SORCS2: variants seen among roughly 807,000 people sequenced by gnomAD.
The protein encoded by SORCS2 is sortilin related VPS10 domain containing receptor 2, also known as VPS10 domain-containing receptor SorCS2.
In SORCS2, 100 loss-of-function variants were observed where a neutral mutation model predicts 141.6. The ratio of observed to expected loss-of-function variants is 0.71; its 90% confidence interval spans 0.60 to 0.83. SORCS2 has a LOEUF of 0.83. Among genes scored for constraint, SORCS2 ranks in the 40% least tolerant of loss-of-function variants. SORCS2 has a pLI of 0.00. For missense variants in SORCS2, 1,646 were observed against 1,560.2 expected, an observed-to-expected ratio of 1.05 and a Z score of -0.93; for synonymous variants, 789 against 676.9, an observed-to-expected ratio of 1.17 and a Z score of -2.57.
intron 15 of SORCS2, among the ~76,000 whole-genome samples, chr4:7,713,584 A>G (rs1205424940): frequency 5.3e-5 from 8 of 152,174 alleles, no homozygotes; most frequent in Non-Finnish European, 1.5e-5. Context: ...GAAACTGACT[A>G]AGAGGAAACA....
At chr4:7,450,822 G>A (rs1376012860) in intron 2 of SORCS2, among the ~76,000 whole-genome samples, 1 of 152,204 alleles carries the variant, frequency 6.6e-6, no homozygotes, top group African/African-American at 2.4e-5. Flanking sequence ...AGGAATGAGT[G>A]TGTGAATGAG....
chr4:7,461,561 A>C (rs1229463078), intron 2 of SORCS2, among the ~76,000 whole-genome samples: 5 of 152,242 alleles, frequency 3.3e-5, no homozygotes, highest in African/African-American at 1.2e-4. Context: ...CCCACACAGA[A>C]AATTTCCAAG....
intron 9 of SORCS2, 104 bp from the exon 10 acceptor site, chr4:7,682,639 C>G: frequency 8.8e-7 from 1 of 1,139,058 alleles, no homozygotes; most frequent in Non-Finnish European, 1.2e-6. Context: ...TGAAATGAGG[C>G]CACATGTGCA....
At chr4:7,647,442 G>T (rs1314281707) in intron 4 of SORCS2, among the ~76,000 whole-genome samples, 1 of 152,182 alleles carries the variant, frequency 6.6e-6, no homozygotes, top group Non-Finnish European at 1.5e-5. Flanking sequence ...CTCACTGTCA[G>T]CGTCACGGGT....
intron 1 of SORCS2, among the ~76,000 whole-genome samples, chr4:7,374,469 A>G (rs1333368047): frequency 6.6e-6 from 1 of 152,150 alleles, no homozygotes. Flanking sequence ...CCACGCTGGC[A>G]GCATTGGCAG....
intron 2 of SORCS2, among the ~76,000 whole-genome samples, chr4:7,403,955 A>ATG (rs750036945): frequency 4.7e-4 from 39 of 83,454 alleles, no homozygotes; most frequent in East Asian, 2.2e-3. Flanking sequence ...CTCTGCCTCC[A>ATG]TGTGTGTATA....
chr4:7,625,186 TGACA>T (rs1045064579), intron 3 of SORCS2, among the ~76,000 whole-genome samples: 6 of 152,176 alleles, frequency 3.9e-5, no homozygotes, highest in African/African-American at 1.4e-4. Context: ...AGCTCTTTCC[TGACA>T]GTCAATTCTG....
At chr4:7,315,316 C>T (rs929074088) in intron 1 of SORCS2, among the ~76,000 whole-genome samples, 2 of 152,232 alleles carry the variant, frequency 1.3e-5, no homozygotes, top group African/African-American at 4.8e-5. Context: ...TTCCTGAGAT[C>T]ATGGTGTCAG....
intron 3 of SORCS2, among the ~76,000 whole-genome samples, chr4:7,595,905 T>G (rs734527): frequency 0.63 from 95,457 of 152,102 alleles, 30,087 homozygotes; most frequent in East Asian, 0.74. Flanking sequence ...AGTGGGGCTC[T>G]TGGTCTGGGG....
intron 1 of SORCS2, among the ~76,000 whole-genome samples, chr4:7,344,071 G>A (rs943400547): frequency 2.6e-5 from 4 of 152,222 alleles, no homozygotes; most frequent in East Asian, 1.9e-4. Flanking sequence ...ATACTGACAC[G>A]GGAGGTATGG....
intron 2 of SORCS2, among the ~76,000 whole-genome samples, chr4:7,443,787 C>T (rs142361079): frequency 6.6e-6 from 1 of 152,358 alleles, no homozygotes; most frequent in African/African-American, 2.4e-5. Context: ...CAAGCATCTC[C>T]CATGTGGCCT....
At chr4:7,511,685 AG>A (rs1021283931) in intron 2 of SORCS2, among the ~76,000 whole-genome samples, 12 of 152,126 alleles carry the variant, frequency 7.9e-5, no homozygotes, top group Admixed American at 7.9e-4. Flanking sequence ...AGGTGGGGAC[AG>A]GGCTGGGTGA....
chr4:7,504,590 C>G (rs1157607938), intron 2 of SORCS2, among the ~76,000 whole-genome samples: 2 of 152,234 alleles, frequency 1.3e-5, no homozygotes, highest in African/African-American at 2.4e-5. Flanking sequence ...ATCCATCTGG[C>G]TCTGGACCCC....
At chr4:7,226,470 C>G (rs1183631704) in intron 1 of SORCS2, among the ~76,000 whole-genome samples, 1 of 152,128 alleles carries the variant, frequency 6.6e-6, no homozygotes, top group Admixed American at 6.5e-5. Flanking sequence ...GGGTTAAGTC[C>G]AGACGTCTGT....
intron 3 of SORCS2, among the ~76,000 whole-genome samples, chr4:7,546,225 C>G (rs79458094): frequency 0.012 from 1,789 of 152,244 alleles, 37 homozygotes; most frequent in African/African-American, 0.041. Context: ...CACGTTCCAG[C>G]AACAGCTCAG....
intron 1 of SORCS2, among the ~76,000 whole-genome samples, chr4:7,203,053 G>A (rs900806898): frequency 3.3e-5 from 5 of 152,174 alleles, no homozygotes; most frequent in Admixed American, 2.0e-4. Context: ...GGTGTGGCAG[G>A]AGGACTTGCC....
intron 3 of SORCS2, among the ~76,000 whole-genome samples, chr4:7,585,382 G>A (rs1469337249): frequency 6.6e-6 from 1 of 152,176 alleles, no homozygotes; most frequent in Admixed American, 6.5e-5. Context: ...GATCACTGAA[G>A]TACACCAGAA....
intron 8 of SORCS2, among the ~76,000 whole-genome samples, chr4:7,671,461 G>A (rs1722794862): frequency 6.6e-6 from 1 of 151,548 alleles, no homozygotes; most frequent in Admixed American, 6.6e-5. Context: ...GAAAAATAGA[G>A]AAAAACAAGA....
Position 7,740,267 on chromosome 4 carries a change from C to A in SORCS2, c.*3C>A. On this transcript the variant is annotated 3_prime_UTR_variant, in exon 27 of 27. Coordinates refer to ENST00000507866, the MANE Select transcript of SORCS2 (RefSeq NM_020777.3). Reference sequence around the variant, plus strand: ...TGCACAGCTACCTGGTGAGCTGATGCCACCCCAGCATCTGTCTTTTCACCC... The same window carrying A: ...TGCACAGCTACCTGGTGAGCTGATGACACCCCAGCATCTGTCTTTTCACCC... The A allele has an allele frequency of 6.2e-7, 1 of 1,608,020 alleles. No individual in the cohort carries two copies. Among genetic ancestry groups the A allele is most frequent in the Non-Finnish European group, 8.5e-7 (1 of 1,178,640 alleles).
Sources: allele counts gnomAD v4.1 joint callset (sites outside exome capture counted in the v4.1 genomes callset), GRCh38; gene constraint gnomAD v4.1.1; transcripts MANE v1.5; gene names NCBI Gene and HGNC (gene_info 2026-07-23, HGNC 2026-07-21).